DCAF13: variants seen among roughly 807,000 people sequenced by gnomAD.
DCAF13 encodes the protein DDB1 and CUL4 associated factor 13, also known as DDB1- and CUL4-associated factor 13.
Under a neutral mutation model 59.0 loss-of-function variants are expected in DCAF13, and 38 were observed. The ratio of observed to expected loss-of-function variants is 0.64; its 90% CI spans 0.50 to 0.84. The LOEUF (loss-of-function observed/expected upper bound fraction) is 0.84, where lower values mean the gene tolerates loss of function less well. Among genes scored for constraint, DCAF13 ranks in the 40% least tolerant of loss-of-function variants. DCAF13 has a pLI of 0.00. For synonymous variants in DCAF13, 173 were observed against 175.0 expected (o/e 0.99, Z 0.09); for missense variants, 469 against 558.4 (o/e 0.84, Z 1.61).
At chr8:103,438,548 C>G (rs994163577) in intron 8 of DCAF13, among the ~76,000 whole-genome samples, 2 of 151,760 alleles carry the variant, frequency 1.3e-5, no homozygotes, top group Non-Finnish European at 2.9e-5. Context: ...GACTCCTGAG[C>G]AGCACCACAC....
chr8:103,434,605 A>G (rs1198909849), intron 7 of DCAF13, among the ~76,000 whole-genome samples: 2 of 151,982 alleles, frequency 1.3e-5, no homozygotes, highest in Admixed American at 6.6e-5. Context: ...TAATTATTAT[A>G]TATCTTTGGG....
intron 1 of DCAF13, 39 bp downstream of exon 1, chr8:103,415,555 A>G: frequency 6.4e-7 from 1 of 1,564,928 alleles, no homozygotes; most frequent in South Asian, 1.2e-5. Flanking sequence ...CGGTTTCCGC[A>G]AGTCGTTGGG....
At chr8:103,421,602 A>G (rs1422408974) in intron 3 of DCAF13, among the ~76,000 whole-genome samples, 2 of 152,212 alleles carry the variant, frequency 1.3e-5, no homozygotes, top group African/African-American at 4.8e-5. Flanking sequence ...CTGTCCCCTC[A>G]GTCCCCAACC....
At position 103,415,407 on chromosome 8, in the gene DCAF13, A is replaced by G; in HGVS notation, c.-40A>G. ...GGAGGTGGCGGTGGGCGGAACTCCT[A>G]GCGGACACCTCGTGGAGTCCGGCCG... On this transcript the variant is annotated 5_prime_UTR_variant, in exon 1 of 11. Transcript: ENST00000612750. 1.9e-6 allele frequency: 3 copies of G among 1,614,098 alleles called. No homozygotes were observed. In the South Asian group the frequency reaches 3.3e-5, roughly 18 times the overall value.
intron 7 of DCAF13, among the ~76,000 whole-genome samples, chr8:103,434,813 T>C (rs1399479650): frequency 6.6e-6 from 1 of 152,110 alleles, no homozygotes; most frequent in African/African-American, 2.4e-5. Context: ...ACTCATGAAG[T>C]CATTGTTTTT....
intron 5 of DCAF13, chr8:103,428,911 T>G (rs1563504435): frequency 6.6e-6 from 1 of 152,274 alleles, no homozygotes; most frequent in African/African-American, 2.4e-5. Context: ...CAGCTGTTTT[T>G]TTTTTTAATT....
chr8:103,441,371 G>C, intron 9 of DCAF13, 84 bp from the exon 10 acceptor site: 2 of 1,311,436 alleles, frequency 1.5e-6, no homozygotes, highest in Middle Eastern at 2.7e-4. Context: ...GATTAGGTTA[G>C]GGGGAAAAGG....
At chr8:103,434,437 G>T (rs1198421164) in intron 7 of DCAF13, among the ~76,000 whole-genome samples, 1 of 151,992 alleles carries the variant, frequency 6.6e-6, no homozygotes, top group East Asian at 1.9e-4. Flanking sequence ...AAAGCAGTTT[G>T]CTGGAACCAA....
Position 103,442,937 on chromosome 8 carries a change from C to T in DCAF13, c.*55C>T. ...TTATTTGTTACTTTTGATTTGAGAA[C>T]TCTACAAATAAAAGTGCTGGGACTA... On this transcript the variant is annotated 3_prime_UTR_variant, in exon 11 of 11. Coordinates refer to ENST00000612750, the MANE Select transcript of DCAF13 (RefSeq NM_015420.7). The T allele has an allele frequency of 7.9e-7, 1 of 1,260,362 alleles. No individual in the cohort carries two copies. The allele number at this position is 1,260,362 out of a possible 1,614,324, so 78.1% of individuals were successfully genotyped here.
In DCAF13 at chr8:103,420,329, A is replaced by C; in HGVS notation, c.136A>C (p.Asn46His). The change falls in exon 2 of 11, where the codon AAT becomes CAT. Residue 46 changes from asparagine (N) to histidine (H), a missense_variant. This residue lies in a region of DCAF13 where 355 missense variants were observed against 399.1 expected (regional missense o/e 0.89). Coordinates refer to ENST00000612750, the MANE Select transcript of DCAF13 (RefSeq NM_015420.7). ...EVPREYIRALNATKLERVFAK... is the reference protein window; with the variant it reads ...EVPREYIRALHATKLERVFAK... The stretch of plus-strand genomic sequence containing the variant: ...CCCACGAGAATATATAAGAGCTTTA[A>C]ATGCTACCAAACTGGAACGAGTATT... 1 of 1,614,166 alleles carries C rather than the reference A, an allele frequency of 6.2e-7. No individual in the cohort carries two copies. The highest frequency in any genetic ancestry group is 8.5e-7 in the Non-Finnish European group (1 of 1,180,030).
chr8:103,432,640 T>G lies in DCAF13; in HGVS notation c.703-19T>G. The G allele has an allele frequency of 6.8e-7, 1 of 1,476,182 alleles. No homozygotes were observed. The allele number at this position is 1,476,182 out of a possible 1,614,324, so 91.4% of individuals were successfully genotyped here. On this transcript the variant is annotated intron_variant, in intron 6 of 10. Transcript: ENST00000612750. ...AAAAGGAAAGGAAGTGGGAAATTCA[T>G]CCATTCTTCCTTTCTCAGGTTATCT...
intron 5 of DCAF13, 195 bp downstream of exon 5, chr8:103,427,447 A>G: frequency 1.7e-6 from 1 of 590,788 alleles, no homozygotes; most frequent in Non-Finnish European, 3.0e-6. Flanking sequence ...TTAGTCCCAG[A>G]TACTAGAGTT....
In DCAF13 at chr8:103,434,354, T is replaced by G. The variant is rs114231756; in HGVS notation, c.786-1272T>G. On this transcript the variant is annotated intron_variant, in intron 7 of 10. Coordinates refer to ENST00000612750, the MANE Select transcript of DCAF13 (RefSeq NM_015420.7). Reference sequence around the variant, plus strand: ...ACTTTGTTTATTTAAAGGTTTTCCATGTACACAAATTGATATGCTTAGAAT... The same window carrying G: ...ACTTTGTTTATTTAAAGGTTTTCCAGGTACACAAATTGATATGCTTAGAAT... Among the ~76,000 whole-genome samples the G allele has an allele frequency of 4.6e-3, 700 of 152,240 alleles. 3 individuals are homozygous for G. The highest frequency in any genetic ancestry group is 0.016 in the African/African-American group (682 of 41,568).
intron 3 of DCAF13, 156 bp downstream of exon 3, chr8:103,421,238 T>C (rs1158114030): frequency 2.9e-6 from 2 of 690,910 alleles, no homozygotes; most frequent in Non-Finnish European, 5.2e-6. Context: ...TTACTAGTTT[T>C]CTTTATATAA....
chr8:103,418,154 T>C (rs886705382), intron 1 of DCAF13, among the ~76,000 whole-genome samples: 1 of 151,370 alleles, frequency 6.6e-6, no homozygotes, highest in Non-Finnish European at 1.5e-5. Context: ...AAAAGACATC[T>C]GATAATAGTG....
intron 3 of DCAF13, among the ~76,000 whole-genome samples, chr8:103,424,022 G>T (rs1024889081): frequency 1.5e-4 from 23 of 151,250 alleles, no homozygotes; most frequent in African/African-American, 5.1e-4. Flanking sequence ...TTTTCAAAAA[G>T]ATTTTTTTTT....
In DCAF13 at chr8:103,436,235, T is replaced by C. The variant is rs571081488; in HGVS notation, c.950+445T>C. 9.8e-5 allele frequency among the ~76,000 whole-genome samples: 15 copies of C among 152,310 alleles called. 1 individual carries two copies. In the South Asian group the frequency reaches 3.1e-3, roughly 32 times the overall value. On this transcript the variant is annotated intron_variant, in intron 8 of 10. Coordinates refer to ENST00000612750, the MANE Select transcript of DCAF13 (RefSeq NM_015420.7). ...ACCTGAGTTTAATAAAGTTTTTTGC[T>C]CCAATACAGTTTAAGAAAAATTAGT...
intron 1 of DCAF13, among the ~76,000 whole-genome samples, chr8:103,417,133 T>G (rs1816631719): frequency 1.3e-5 from 2 of 152,238 alleles, no homozygotes; most frequent in Admixed American, 6.5e-5. Context: ...TTTAAGAGGT[T>G]TACAGTGATT....
intron 1 of DCAF13, among the ~76,000 whole-genome samples, chr8:103,415,952 T>C (rs577644749): frequency 1.0e-3 from 153 of 152,338 alleles, no homozygotes; most frequent in African/African-American, 3.3e-3. Context: ...AAGATGAATT[T>C]AAAAGCATCA....
Sources: gnomAD v4.1 joint callset for allele counts (sites outside exome capture counted in the v4.1 genomes callset) on GRCh38, gnomAD v4.1.1 for gene constraint, gnomAD v4.1.1 regional missense constraint, MANE v1.5 for transcripts, NCBI Gene and HGNC (gene_info 2026-07-23, HGNC 2026-07-21) for gene names.